Variants in MAGI3 observed in about 807,000 individuals in gnomAD.
The protein encoded by MAGI3 is membrane-associated guanylate kinase, WW and PDZ domain-containing protein 3.
A neutral mutation model predicts 121.8 loss-of-function variants in MAGI3; 43 were observed. The ratio of observed to expected loss-of-function variants is 0.35; its 90% CI spans 0.28 to 0.46. The LOEUF (loss-of-function observed/expected upper bound fraction) is 0.46. Among genes scored for constraint, MAGI3 ranks in the 20% least tolerant of loss-of-function variants. The pLI, the probability that MAGI3 is intolerant of heterozygous loss-of-function variation, is 1.00. For synonymous variants in MAGI3, 553 were observed against 639.3 expected (o/e 0.86, Z 2.04); for missense variants, 1,547 against 1,797.3 (o/e 0.86, Z 2.52).
intron 1 of MAGI3, among the ~76,000 whole-genome samples, chr1:113,459,858 C>T (rs1032072684): frequency 6.6e-6 from 1 of 152,142 alleles, no homozygotes; most frequent in Non-Finnish European, 1.5e-5. Flanking sequence ...AGAGCTGGCA[C>T]CATTCCTACA....
chr1:113,474,150 A>C (rs1655686622), intron 1 of MAGI3, among the ~76,000 whole-genome samples: 2 of 152,040 alleles, frequency 1.3e-5, no homozygotes, highest in South Asian at 4.1e-4. Flanking sequence ...TTCATTGTAG[A>C]TTCTGGATAT....
At chr1:113,505,830 T>G (rs987393420) in intron 1 of MAGI3, among the ~76,000 whole-genome samples, 8 of 151,962 alleles carry the variant, frequency 5.3e-5, no homozygotes, top group African/African-American at 1.9e-4. Context: ...AAGACCAGAG[T>G]GACTAAAGCA....
chr1:113,454,655 C>T (rs1471623696), intron 1 of MAGI3, among the ~76,000 whole-genome samples: 2 of 152,072 alleles, frequency 1.3e-5, no homozygotes, highest in East Asian at 1.9e-4. Context: ...AGCCCCCCAT[C>T]CCTCGACAGG....
intron 1 of MAGI3, among the ~76,000 whole-genome samples, chr1:113,402,501 C>T (rs770596269): frequency 6.6e-6 from 1 of 152,062 alleles, no homozygotes; most frequent in Non-Finnish European, 1.5e-5. Flanking sequence ...CTTCACAATG[C>T]TTTCAGTAAA....
intron 1 of MAGI3, among the ~76,000 whole-genome samples, chr1:113,420,849 C>A (rs530265175): frequency 5.9e-5 from 9 of 152,168 alleles, no homozygotes; most frequent in Non-Finnish European, 1.2e-4. Context: ...GAATACAAGT[C>A]AAATGTCTGT....
At chr1:113,604,170 G>T (rs568138630) in intron 6 of MAGI3, among the ~76,000 whole-genome samples, 2 of 152,276 alleles carry the variant, frequency 1.3e-5, no homozygotes, top group East Asian at 3.9e-4. Flanking sequence ...ATATCAAAAA[G>T]ACACCTGCTT....
intron 1 of MAGI3, among the ~76,000 whole-genome samples, chr1:113,441,911 A>T (rs1386273877): frequency 6.6e-6 from 1 of 152,214 alleles, no homozygotes; most frequent in African/African-American, 2.4e-5. Flanking sequence ...TTACTCAGAG[A>T]GCTTAGAGAT....
At chr1:113,466,933 A>T (rs1251203315) in intron 1 of MAGI3, among the ~76,000 whole-genome samples, 5 of 151,382 alleles carry the variant, frequency 3.3e-5, no homozygotes, top group African/African-American at 1.2e-4. Flanking sequence ...TTAAGTTTCA[A>T]TTTCATTTAT....
chr1:113,648,747 C>T (rs938896542), intron 12 of MAGI3, among the ~76,000 whole-genome samples: 1 of 151,962 alleles, frequency 6.6e-6, no homozygotes, highest in South Asian at 2.1e-4. Flanking sequence ...TTTTGCAAAA[C>T]TAGGCTAGGT....
At chr1:113,537,624 TAG>T (rs1216140699) in intron 1 of MAGI3, among the ~76,000 whole-genome samples, 1 of 152,334 alleles carries the variant, frequency 6.6e-6, no homozygotes, top group African/African-American at 2.4e-5. Context: ...CCTTATGAGC[TAG>T]AGAGTTGCTT....
intron 6 of MAGI3, among the ~76,000 whole-genome samples, chr1:113,603,165 C>T (rs986376814): frequency 1.3e-5 from 2 of 151,776 alleles, no homozygotes; most frequent in South Asian, 2.1e-4. Context: ...ACAAACACCA[C>T]GGAAATACAA....
rs552463984 is a variant in MAGI3 at position 113,482,435 on chromosome 1, G to A, written c.317-67080G>A. 2.6e-5 allele frequency among the ~76,000 whole-genome samples: 4 copies of A among 152,110 alleles called. No individual in the cohort carries two copies. In the South Asian group the frequency reaches 8.3e-4, roughly 32 times the overall value. On this transcript the variant is annotated intron_variant, in intron 1 of 20. Transcript: ENST00000307546. ...CACAGCCTCAATCTGCCAGGCTCAA[G>A]TGATCCTTGATCCACCTCAGTCTCC...
rs1653614112 is a variant in MAGI3 at position 113,658,726 on chromosome 1, T to TGTTA, written c.2630-354_2630-353insGTTA. 6.6e-6 allele frequency among the ~76,000 whole-genome samples: 1 copy of TGTTA among 152,204 alleles called. No individual in the cohort carries two copies. The highest frequency in any genetic ancestry group is 2.4e-5 in the African/African-American group (1 of 41,460). On this transcript the variant is annotated intron_variant, in intron 15 of 20. Transcript: ENST00000307546. This position sits in a 1 kb window ranked among gnomAD's most constrained non-coding sequence, Gnocchi z 4.0. ...TTGTTGCAGCTTAAATGGCCAACAATAAACAATGAGACATCTGATCAGTCA... is the reference window on the plus strand; with the variant it reads ...TTGTTGCAGCTTAAATGGCCAACAATGTTAAAACAATGAGACATCTGATCAGTCA...
chr1:113,469,620 G>T (rs1655449440), intron 1 of MAGI3, among the ~76,000 whole-genome samples: 1 of 151,970 alleles, frequency 6.6e-6, no homozygotes, highest in Non-Finnish European at 1.5e-5. Flanking sequence ...TAGTGTATGA[G>T]TGAAAAATTA....
chr1:113,563,833 C>T (rs929568648), intron 2 of MAGI3, among the ~76,000 whole-genome samples: 5 of 152,206 alleles, frequency 3.3e-5, no homozygotes, highest in Non-Finnish European at 5.9e-5. Context: ...TGTTAAATCC[C>T]TGACCCACTA....
At position 113,646,526 on chromosome 1, in the gene MAGI3, T is replaced by C. The variant is rs1181704304; in HGVS notation, c.2039T>C (p.Ile680Thr). 6.2e-7 allele frequency: 1 copy of C among 1,612,032 alleles called. No homozygotes were observed. Among genetic ancestry groups the C allele is most frequent in the Non-Finnish European group, 8.5e-7 (1 of 1,179,090 alleles). Residue 680 changes from isoleucine to threonine, a missense_variant, in exon 12 of 21, where the codon ATA becomes ACA. Transcript: ENST00000307546. ...KKENAGSLEAINEPIPQPMPF... is the reference protein window; with the variant it reads ...KKENAGSLEATNEPIPQPMPF... ...GAAAATGCAGGAAGTTTGGAGGCCA[T>C]AAATGAGCCTATTCCTCAGCCTATG...
intron 6 of MAGI3, among the ~76,000 whole-genome samples, chr1:113,601,664 C>T (rs551804744): frequency 5.5e-5 from 8 of 146,650 alleles, no homozygotes; most frequent in Middle Eastern, 3.2e-3. Flanking sequence ...GTCAGTGTGG[C>T]GATTCCTCAG....
chr1:113,521,562 C>T (rs946832288), intron 1 of MAGI3, among the ~76,000 whole-genome samples: 22 of 152,012 alleles, frequency 1.4e-4, no homozygotes, highest in Non-Finnish European at 2.4e-4. Flanking sequence ...CCCGCCACCA[C>T]GCCCAGCTAA....
At chr1:113,485,500 G>T (rs762023765) in intron 1 of MAGI3, among the ~76,000 whole-genome samples, 3 of 151,802 alleles carry the variant, frequency 2.0e-5, no homozygotes, top group Non-Finnish European at 4.4e-5. Context: ...ACTTTTTTTT[G>T]ATGGAATTGT....
Sources: allele counts gnomAD v4.1 joint callset (sites outside exome capture counted in the v4.1 genomes callset), GRCh38; gene constraint gnomAD v4.1.1; non-coding constraint Gnocchi (gnomAD v3.1); transcripts MANE v1.5; gene names NCBI Gene and HGNC (gene_info 2026-07-23, HGNC 2026-07-21).